FREM1: variants seen among roughly 807,000 people sequenced by gnomAD.
The protein encoded by FREM1 is FRAS1 related extracellular matrix 1, also known as FRAS1-related extracellular matrix protein 1.
In FREM1, 220 loss-of-function variants were observed where a neutral mutation model predicts 210.1. The observed-to-expected ratio is 1.05, with a 90% CI of 0.94 to 1.17. The LOEUF (loss-of-function observed/expected upper bound fraction) is 1.17, where lower values mean the gene tolerates loss of function less well. FREM1 is among the 50% of genes most tolerant of loss of function. The pLI is 0.00. For synonymous variants in FREM1, 1,189 were observed against 980.2 expected, an observed-to-expected ratio of 1.21 and a Z score of -3.98; for missense variants, 3,454 against 2,675.5, an observed-to-expected ratio of 1.29 and a Z score of -6.42.
At chr9:14,908,373 A>G (rs1275211219) in intron 1 of FREM1, among the ~76,000 whole-genome samples, 1 of 152,216 alleles carries the variant, frequency 6.6e-6, no homozygotes, top group Non-Finnish European at 1.5e-5. Context: ...GAGGCTGGGA[A>G]AGAATTAAGA....
chr9:14,773,525 T>C (rs1470824796), intron 25 of FREM1, among the ~76,000 whole-genome samples: 2 of 152,138 alleles, frequency 1.3e-5, no homozygotes, highest in Non-Finnish European at 2.9e-5. Context: ...TCTTGACTTC[T>C]CTGCTCAAAG....
rs146149678 is a variant in FREM1, at chr9:14,835,333, G to GT, written c.1881+6113dup. 7.5e-3 allele frequency among the ~76,000 whole-genome samples: 1,146 copies of GT among 152,308 alleles called. 6 individuals carry two copies. The highest frequency in any genetic ancestry group is 0.012 in the Non-Finnish European group (845 of 68,030). ...TTCCTCTAGAATTTGGAGACTATCT[G>GT]TAAGTACTCTTATGGCAATACAGTT... is the stretch of plus-strand genomic sequence containing the variant. On this transcript the variant is annotated intron_variant, in intron 10 of 36. Transcript: ENST00000380880.
At chr9:14,907,460 G>T (rs976499860) in intron 1 of FREM1, among the ~76,000 whole-genome samples, 3 of 152,192 alleles carry the variant, frequency 2.0e-5, no homozygotes, top group Admixed American at 6.5e-5. Context: ...AAAGGGTCAG[G>T]TTGCAAGCTG....
chr9:14,797,430 G>C, intron 21 of FREM1, 68 bp downstream of exon 21: 3 of 1,338,494 alleles, frequency 2.2e-6, no homozygotes, highest in Non-Finnish European at 3.1e-6. Context: ...ACACACACCT[G>C]TACCTAGTAT....
intron 1 of FREM1, among the ~76,000 whole-genome samples, chr9:14,869,604 T>C (rs1832213894): frequency 6.6e-6 from 1 of 152,182 alleles, no homozygotes; most frequent in Non-Finnish European, 1.5e-5. Flanking sequence ...CTTTCCTCAT[T>C]TGTTAAATGA....
intron 1 of FREM1, among the ~76,000 whole-genome samples, chr9:14,870,070 T>A (rs752593215): frequency 6.6e-6 from 1 of 152,228 alleles, no homozygotes; most frequent in Non-Finnish European, 1.5e-5. Flanking sequence ...TGCACTGAAA[T>A]ATATCCCTAA....
intron 1 of FREM1, among the ~76,000 whole-genome samples, chr9:14,900,761 C>T (rs1468532694): frequency 6.6e-6 from 1 of 152,172 alleles, no homozygotes; most frequent in African/African-American, 2.4e-5. Flanking sequence ...GTACACAAGT[C>T]AGTGGCACAG....
At chr9:14,902,130 G>C (rs1428081929) in intron 1 of FREM1, among the ~76,000 whole-genome samples, 1 of 152,052 alleles carries the variant, frequency 6.6e-6, no homozygotes, top group Non-Finnish European at 1.5e-5. Context: ...ACAGGCATGA[G>C]CCACCACACT....
chr9:14,747,851 G>T, intron 31 of FREM1, 123 bp from the exon 32 acceptor site: 2 of 532,500 alleles, frequency 3.8e-6, no homozygotes, highest in Non-Finnish European at 6.5e-6. Flanking sequence ...GTAATCTTAA[G>T]ATTTCCCACG....
chr9:14,863,579 G>A (rs561117620), intron 3 of FREM1, among the ~76,000 whole-genome samples: 5 of 152,110 alleles, frequency 3.3e-5, no homozygotes, highest in Non-Finnish European at 5.9e-5. Flanking sequence ...ACAGGATACG[G>A]CTAAAAATTT....
intron 1 of FREM1, among the ~76,000 whole-genome samples, chr9:14,882,611 C>T (rs112997691): frequency 0.016 from 2,450 of 151,386 alleles, 57 homozygotes; most frequent in African/African-American, 0.057. Flanking sequence ...CCCGCCACTA[C>T]GCCTGGCTAA....
chr9:14,878,207 G>A (rs1834126370), intron 1 of FREM1, among the ~76,000 whole-genome samples: 1 of 152,144 alleles, frequency 6.6e-6, no homozygotes, highest in Non-Finnish European at 1.5e-5. Context: ...AAGACAGTAT[G>A]TGATCTGTTT....
chr9:14,844,471 G>A (rs59624633), intron 8 of FREM1, among the ~76,000 whole-genome samples: 9 of 151,898 alleles, frequency 5.9e-5, no homozygotes, highest in South Asian at 2.1e-4. Flanking sequence ...GTGATCTGCC[G>A]GTCTCGGCCT....
chr9:14,884,544 A>AT (rs1205630699), intron 1 of FREM1, among the ~76,000 whole-genome samples: 1 of 152,226 alleles, frequency 6.6e-6, no homozygotes, highest in Admixed American at 6.5e-5. Flanking sequence ...TTTTTGGGAA[A>AT]TTTTTTGAAC....
intron 25 of FREM1, 77 bp downstream of exon 25, chr9:14,775,707 CAAAAA>C (rs35187926): frequency 1.6e-3 from 585 of 372,304 alleles, no homozygotes; most frequent in Middle Eastern, 2.2e-3. Flanking sequence ...GACTCCCTCT[CAAAAA>C]AAAAAAAAAA....
At position 14,910,110 on chromosome 9, in the gene FREM1, C is replaced by T. The variant is rs1338118876; in HGVS notation, c.-464G>A. ...TTTGAGATTTCTTTTTACTAAAAATCCATTAACCCACCTCACAGAAAATAC... is the reference window on the plus strand; with the variant it reads ...TTTGAGATTTCTTTTTACTAAAAATTCATTAACCCACCTCACAGAAAATAC... On this transcript the variant is annotated 5_prime_UTR_variant, in exon 1 of 37. Coordinates refer to ENST00000380880, the MANE Select transcript of FREM1 (RefSeq NM_001379081.2). 6.6e-6 allele frequency: 1 copy of T among 152,186 alleles called. No individual in the cohort carries two copies. Among genetic ancestry groups the T allele is most frequent in the Non-Finnish European group, 1.5e-5 (1 of 68,036 alleles). 9.4% of individuals were successfully genotyped at this position (152,186 alleles called of 1,614,324 possible). A position where few individuals can be genotyped will look rare whatever the true frequency, so the allele number is the denominator to read the frequency against.
intron 1 of FREM1, among the ~76,000 whole-genome samples, chr9:14,893,967 C>A (rs1837287292): frequency 1.3e-5 from 2 of 152,124 alleles, no homozygotes; most frequent in South Asian, 4.1e-4. Flanking sequence ...GAGCACTGAT[C>A]TTCTCTTTCA....
chr9:14,901,628 C>G (rs4543641), intron 1 of FREM1, among the ~76,000 whole-genome samples: 80,645 of 151,898 alleles, frequency 0.53, 22,217 homozygotes, highest in Non-Finnish European at 0.62. Context: ...TAATGCATGA[C>G]ACAGGTCACC....
chr9:14,828,597 G>A (rs1822913394), intron 10 of FREM1, among the ~76,000 whole-genome samples: 2 of 133,024 alleles, frequency 1.5e-5, no homozygotes, highest in South Asian at 2.6e-4. Context: ...TGTTGAGATG[G>A]AATTAGTATA....
Sources: allele counts gnomAD v4.1 joint callset (sites outside exome capture counted in the v4.1 genomes callset), GRCh38; gene constraint gnomAD v4.1.1; transcripts MANE v1.5; gene names NCBI Gene and HGNC (gene_info 2026-07-23, HGNC 2026-07-21).